Variants in PRKCE observed in about 807,000 individuals in gnomAD.
PRKCE encodes the protein protein kinase C epsilon type.
Under a neutral mutation model 85.4 loss-of-function variants are expected in PRKCE, and 16 were observed. That is an observed-to-expected ratio of 0.19 (90% confidence interval 0.13 to 0.28). PRKCE has a LOEUF of 0.28. Ranked by LOEUF, PRKCE falls within the 10% of genes least tolerant of loss-of-function variation. PRKCE has a pLI of 1.00. For missense variants in PRKCE, 573 were observed against 975.2 expected (o/e 0.59, Z 5.49); for synonymous variants, 388 against 371.5 (o/e 1.04, Z -0.51).
At chr2:45,850,453 C>G (rs895979635) in intron 2 of PRKCE, among the ~76,000 whole-genome samples, 4 of 152,208 alleles carry the variant, frequency 2.6e-5, no homozygotes, top group African/African-American at 9.7e-5. Flanking sequence ...TGAGATCATA[C>G]TGGCCCAAAA....
intron 1 of PRKCE, among the ~76,000 whole-genome samples, chr2:45,672,007 G>A (rs764748548): frequency 3.4e-5 from 5 of 145,950 alleles, no homozygotes; most frequent in African/African-American, 1.3e-4. Context: ...AAGGTACAAT[G>A]AGCCATGATT....
intron 10 of PRKCE, among the ~76,000 whole-genome samples, chr2:46,070,571 A>G (rs11891346): frequency 0.022 from 3,416 of 151,948 alleles, 48 homozygotes; most frequent in Middle Eastern, 0.041. Flanking sequence ...TGAACCCTGG[A>G]GGTGGAGGTT....
chr2:45,988,514 C>G (rs1703523977), intron 6 of PRKCE, among the ~76,000 whole-genome samples: 1 of 151,840 alleles, frequency 6.6e-6, no homozygotes, highest in Non-Finnish European at 1.5e-5. Context: ...AACTGTGGGG[C>G]AACCAGCCCT....
intron 1 of PRKCE, among the ~76,000 whole-genome samples, chr2:45,655,671 TA>T (rs1675343457): frequency 6.6e-6 from 1 of 151,494 alleles, no homozygotes; most frequent in Non-Finnish European, 1.5e-5. Context: ...ACAAGAAACT[TA>T]AAAATTAGCC....
intron 2 of PRKCE, 152 bp from the exon 3 acceptor site, chr2:45,976,277 C>G (rs530527802): frequency 9.3e-6 from 8 of 859,904 alleles, no homozygotes; most frequent in Non-Finnish European, 1.5e-5. Flanking sequence ...AGTGGGACTC[C>G]TCAGACCCCC....
intron 1 of PRKCE, among the ~76,000 whole-genome samples, chr2:45,792,813 T>G (rs79872511): frequency 6.6e-6 from 1 of 152,198 alleles, no homozygotes; most frequent in Non-Finnish European, 1.5e-5. Context: ...TAATTTTTTT[T>G]GTTGAGACAG....
intron 1 of PRKCE, among the ~76,000 whole-genome samples, chr2:45,688,256 C>T (rs902984448): frequency 2.6e-5 from 4 of 151,982 alleles, no homozygotes; most frequent in African/African-American, 9.7e-5. Context: ...AATGGCTGGG[C>T]AGGTAAATTT....
chr2:45,991,014 CTT>C (rs146375497), intron 6 of PRKCE, among the ~76,000 whole-genome samples: 4 of 141,008 alleles, frequency 2.8e-5, no homozygotes, highest in African/African-American at 5.2e-5. Context: ...TTTCTTTCTT[CTT>C]TTTTTTTTTT....
rs933701517 is a variant in PRKCE, at chr2:45,689,380, G to A, written c.348+36932G>A. Among the ~76,000 whole-genome samples, 34 of 152,200 alleles carry A rather than the reference G, an allele frequency of 2.2e-4. 1 individual carries two copies. The highest frequency in any genetic ancestry group is 7.5e-4 in the African/African-American group (31 of 41,524). ...AACTGAACTGAACTGAATGGCCAGGGGTCCGGCCTCCCACGACCCCCAATC... is the reference window on the plus strand; with the variant it reads ...AACTGAACTGAACTGAATGGCCAGGAGTCCGGCCTCCCACGACCCCCAATC... On this transcript the variant is annotated intron_variant, in intron 1 of 14. Transcript: ENST00000306156.
At chr2:45,858,109 G>C (rs935189240) in intron 2 of PRKCE, among the ~76,000 whole-genome samples, 11 of 152,178 alleles carry the variant, frequency 7.2e-5, no homozygotes, top group African/African-American at 2.7e-4. Context: ...TGGCAGAGTG[G>C]CTGGAGCTTA....
chr2:45,778,634 G>T (rs1324381613), intron 1 of PRKCE, among the ~76,000 whole-genome samples: 1 of 152,086 alleles, frequency 6.6e-6, no homozygotes, highest in Non-Finnish European at 1.5e-5. Context: ...CCTCTAACTC[G>T]GTGCATTTCC....
At chr2:45,941,867 G>C (rs565620829) in intron 2 of PRKCE, among the ~76,000 whole-genome samples, 4 of 152,188 alleles carry the variant, frequency 2.6e-5, no homozygotes, top group Admixed American at 2.6e-4. Flanking sequence ...TATGGGGGAG[G>C]GGGAGGTTCT....
rs545962953 is a variant in PRKCE, at chr2:45,736,683, T to G, written c.348+84235T>G. On this transcript the variant is annotated intron_variant, in intron 1 of 14. Transcript: ENST00000306156. ...ATCCTCATTCCTCTTACAGTCAAGT[T>G]TCTGGAGAACAGGAAGGGCTGAACC... Among the ~76,000 whole-genome samples the G allele has an allele frequency of 4.6e-5, 7 of 152,314 alleles. No homozygotes were observed. In the East Asian group the frequency reaches 1.2e-3, roughly 25 times the overall value.
At chr2:45,831,006 T>G (rs1690376778) in intron 1 of PRKCE, among the ~76,000 whole-genome samples, 1 of 152,252 alleles carries the variant, frequency 6.6e-6, no homozygotes, top group Non-Finnish European at 1.5e-5. Context: ...AGATATGCAG[T>G]GCTACAGTTG....
intron 1 of PRKCE, among the ~76,000 whole-genome samples, chr2:45,657,512 T>C (rs543355543): frequency 1.3e-5 from 2 of 152,318 alleles, no homozygotes; most frequent in African/African-American, 4.8e-5. Context: ...ATATCTACTA[T>C]AATTATTATT....
At chr2:46,106,289 C>A (rs1163318963) in intron 11 of PRKCE, among the ~76,000 whole-genome samples, 1 of 152,188 alleles carries the variant, frequency 6.6e-6, no homozygotes, top group Non-Finnish European at 1.5e-5. Context: ...ATTCTAGCCT[C>A]TTCTCATTGC....
chr2:46,040,925 C>T (rs530618336), intron 10 of PRKCE, among the ~76,000 whole-genome samples: 3 of 152,336 alleles, frequency 2.0e-5, no homozygotes, highest in South Asian at 2.1e-4. Flanking sequence ...GGACTTTACC[C>T]TCTATCTAGG....
chr2:45,835,189 G>A (rs1338807660), intron 1 of PRKCE, among the ~76,000 whole-genome samples: 1 of 152,224 alleles, frequency 6.6e-6, no homozygotes, highest in Non-Finnish European at 1.5e-5. Flanking sequence ...CTCCGAGGGT[G>A]GGAATAGGAT....
intron 2 of PRKCE, among the ~76,000 whole-genome samples, chr2:45,876,559 C>T (rs770810637): frequency 2.0e-5 from 3 of 152,192 alleles, no homozygotes; most frequent in Non-Finnish European, 2.9e-5. Context: ...TTGCCTAACC[C>T]TGTATAGACT....
Sources: gnomAD v4.1 joint callset for allele counts (sites outside exome capture counted in the v4.1 genomes callset) on GRCh38, gnomAD v4.1.1 for gene constraint, MANE v1.5 for transcripts, NCBI Gene and HGNC (gene_info 2026-07-23, HGNC 2026-07-21) for gene names.